The following STK33 variants were observed in gnomAD, a reference collection of about 807,000 sequenced individuals.
The protein encoded by STK33 is serine/threonine kinase 33, also known as serine/threonine-protein kinase 33.
In STK33, 52 loss-of-function variants were observed where a neutral mutation model predicts 58.0. The ratio of observed to expected loss-of-function variants is 0.90; its 90% CI spans 0.72 to 1.13. The LOEUF (loss-of-function observed/expected upper bound fraction) is 1.13. STK33 is among the 50% of genes most tolerant of loss of function. STK33 has a pLI of 0.00. For synonymous variants in STK33, 215 were observed against 200.1 expected (o/e 1.07, Z -0.63); for missense variants, 630 against 604.2 (o/e 1.04, Z -0.45).
Position 8,475,003 on chromosome 11 carries a change from G to A in STK33, c.-98C>T. On this transcript the variant is annotated 5_prime_UTR_variant, in exon 5 of 16. Transcript: ENST00000687296. ...GATAAGGTAGTTGATGGTGAAAACTGTAATTTCGAACTGGTGAAGTCCTCA... is the reference window on the plus strand; with the variant it reads ...GATAAGGTAGTTGATGGTGAAAACTATAATTTCGAACTGGTGAAGTCCTCA... 1 of 1,172,038 alleles carries A rather than the reference G, an allele frequency of 8.5e-7. No individual in the cohort carries two copies. Among genetic ancestry groups the A allele is most frequent in the Non-Finnish European group, 1.2e-6 (1 of 841,470 alleles). The allele number at this position is 1,172,038 out of a possible 1,614,324, so 72.6% of individuals were successfully genotyped here. A position where few individuals can be genotyped will look rare whatever the true frequency, so the allele number is the denominator to read the frequency against.
chr11:8,496,851 G>A (rs1476481110), intron 1 of STK33, among the ~76,000 whole-genome samples: 1 of 152,056 alleles, frequency 6.6e-6, no homozygotes. Flanking sequence ...TAGGATTACA[G>A]GCATGAGCCA....
intron 1 of STK33, among the ~76,000 whole-genome samples, chr11:8,541,807 G>A (rs557434475): frequency 2.0e-5 from 3 of 152,196 alleles, no homozygotes; most frequent in Admixed American, 6.5e-5. Context: ...GTGTTAGAGA[G>A]TCTAATGGAG....
intron 15 of STK33, among the ~76,000 whole-genome samples, chr11:8,400,639 G>A (rs1269431964): frequency 3.3e-5 from 5 of 152,156 alleles, no homozygotes; most frequent in African/African-American, 4.8e-5. Flanking sequence ...GCAGGAGAAG[G>A]AAATAAAGGG....
At chr11:8,500,324 A>G (rs1385303793) in intron 1 of STK33, among the ~76,000 whole-genome samples, 1 of 141,546 alleles carries the variant, frequency 7.1e-6, no homozygotes, top group Non-Finnish European at 1.6e-5. Flanking sequence ...ACATACATAC[A>G]CAGAAACACC....
intron 1 of STK33, among the ~76,000 whole-genome samples, chr11:8,534,560 CTCTCTCTCTG>C (rs1299129738): frequency 1.1e-3 from 136 of 120,026 alleles, no homozygotes; most frequent in African/African-American, 4.7e-3. Context: ...CTCTCTCTCT[CTCTCTCTCTG>C]TGTGTGTGTG....
chr11:8,487,401 GAC>G (rs1950260760), intron 1 of STK33, among the ~76,000 whole-genome samples: 1 of 138,564 alleles, frequency 7.2e-6, no homozygotes, highest in Admixed American at 7.8e-5. Context: ...CAGCCTGAGT[GAC>G]ACAGTGAGAC....
At chr11:8,350,872 C>G in the STK33 span, among the ~76,000 whole-genome samples, 1 of 152,190 alleles carries the variant, frequency 6.6e-6, no homozygotes, top group African/African-American at 2.4e-5. Flanking sequence ...CCTTCAGTTT[C>G]AAGCCCTTCC....
At chr11:8,401,088 T>C (rs1264376600) in intron 15 of STK33, among the ~76,000 whole-genome samples, 1 of 152,164 alleles carries the variant, frequency 6.6e-6, no homozygotes, top group Non-Finnish European at 1.5e-5. Context: ...AAGCTACCAA[T>C]GACTTTCTTC....
At chr11:8,349,770 G>C in the STK33 span, among the ~76,000 whole-genome samples, 10 of 152,146 alleles carry the variant, frequency 6.6e-5, no homozygotes, top group Non-Finnish European at 1.2e-4. Context: ...TGCTACCCTC[G>C]AGGGGACTGA....
intron 7 of STK33, among the ~76,000 whole-genome samples, chr11:8,463,621 C>A (rs1947833299): frequency 6.6e-6 from 1 of 152,306 alleles, no homozygotes; most frequent in East Asian, 1.9e-4. Flanking sequence ...ATATCCATCT[C>A]AATTCTGTTT....
intron 15 of STK33, among the ~76,000 whole-genome samples, chr11:8,398,174 T>A (rs1380604044): frequency 3.3e-5 from 5 of 151,970 alleles, no homozygotes; most frequent in Non-Finnish European, 5.9e-5. Context: ...TTCACCAAAG[T>A]TGAAATGAAG....
intron 1 of STK33, among the ~76,000 whole-genome samples, chr11:8,558,127 T>C (rs1454725480): frequency 3.3e-5 from 5 of 152,142 alleles, no homozygotes; most frequent in Non-Finnish European, 7.3e-5. Context: ...CTTGGTACAA[T>C]GGATTACCTG....
chr11:8,380,518 C>A, the STK33 span, among the ~76,000 whole-genome samples: 1 of 150,968 alleles, frequency 6.6e-6, no homozygotes, highest in Non-Finnish European at 1.5e-5. Flanking sequence ...CGAGATCATG[C>A]CATTGCACTC....
chr11:8,373,609 A>T, the STK33 span, among the ~76,000 whole-genome samples: 1 of 152,276 alleles, frequency 6.6e-6, no homozygotes, highest in East Asian at 1.9e-4. Context: ...TCTCAGGCCC[A>T]GATGGCTCTA....
At chr11:8,476,469 TC>T (rs1355472611) in intron 4 of STK33, among the ~76,000 whole-genome samples, 1 of 152,156 alleles carries the variant, frequency 6.6e-6, no homozygotes, top group Non-Finnish European at 1.5e-5. Flanking sequence ...CTTTCATATC[TC>T]CTTTCTCTCA....
intron 1 of STK33, among the ~76,000 whole-genome samples, chr11:8,519,592 C>T (rs1423995686): frequency 6.6e-6 from 1 of 152,076 alleles, no homozygotes; most frequent in Non-Finnish European, 1.5e-5. Flanking sequence ...TGATAGACTG[C>T]TAGCAAGACT....
At chr11:8,413,768 C>G in intron 14 of STK33, 76 bp from the exon 15 acceptor site, 1 of 1,311,056 alleles carries the variant, frequency 7.6e-7, no homozygotes, top group Non-Finnish European at 1.1e-6. Context: ...TTTAGCGAGA[C>G]AGTCTCCCAA....
chr11:8,406,978 ATTT>A (rs34574969), intron 15 of STK33, among the ~76,000 whole-genome samples: 14,503 of 148,720 alleles, frequency 0.098, 1,259 homozygotes, highest in African/African-American at 0.23. Flanking sequence ...GTAGTTTTGG[ATTT>A]TTTTTTTTTG....
At chr11:8,528,468 G>T (rs554558504) in intron 1 of STK33, among the ~76,000 whole-genome samples, 3 of 152,164 alleles carry the variant, frequency 2.0e-5, no homozygotes, top group Admixed American at 6.5e-5. Context: ...GCTAATCCAA[G>T]CATATACTCA....
Sources: gnomAD v4.1 joint callset for allele counts (sites outside exome capture counted in the v4.1 genomes callset) on GRCh38, gnomAD v4.1.1 for gene constraint, MANE v1.5 for transcripts, NCBI Gene and HGNC (gene_info 2026-07-23, HGNC 2026-07-21) for gene names.